TTC7A: variants seen among roughly 807,000 people sequenced by gnomAD.
TTC7A encodes tetratricopeptide repeat domain 7A.
In TTC7A, 110 loss-of-function variants were observed where a neutral mutation model predicts 103.7. The observed-to-expected ratio is 1.06, with a 90% CI of 0.91 to 1.24. TTC7A has a LOEUF of 1.24. Ranked by LOEUF, TTC7A falls within the 50% of genes most tolerant of loss-of-function variation. TTC7A has a pLI of 0.00. For synonymous variants in TTC7A, 521 were observed against 467.9 expected (o/e 1.11, Z -1.47); for missense variants, 1,340 against 1,116.3 (o/e 1.20, Z -2.86).
chr2:47,058,501 G>A (rs569197855), intron 18 of TTC7A, among the ~76,000 whole-genome samples: 1 of 152,372 alleles, frequency 6.6e-6, no homozygotes, highest in East Asian at 1.9e-4. Flanking sequence ...CTTTCTGGGA[G>A]CTTCCCTTGG....
intron 15 of TTC7A, among the ~76,000 whole-genome samples, chr2:47,038,174 G>T (rs1379357426): frequency 6.6e-6 from 1 of 151,288 alleles, no homozygotes; most frequent in East Asian, 1.9e-4. Flanking sequence ...CAGGAGAATC[G>T]CTTGAACCCA....
chr2:47,046,264 G>C (rs1682304033), intron 15 of TTC7A, 51 bp from the exon 16 acceptor site: 2 of 1,460,324 alleles, frequency 1.4e-6, no homozygotes, highest in African/African-American at 2.8e-5. Flanking sequence ...ATCCCCAGGT[G>C]AAAGTGGGCC....
At chr2:46,917,225 G>A (rs1367166817) in exon 2 of TTC7A, 2 of 700,834 alleles carry the variant, frequency 2.9e-6, no homozygotes, top group Non-Finnish European at 5.2e-6. Flanking sequence ...GAACTCCTGG[G>A]TTCAAGCAAT....
At chr2:46,966,294 A>G (rs570069873) in intron 3 of TTC7A, among the ~76,000 whole-genome samples, 4 of 152,276 alleles carry the variant, frequency 2.6e-5, no homozygotes, top group Non-Finnish European at 5.9e-5. Context: ...TTTAATGATC[A>G]TGGCTACACT....
chr2:47,073,991 T>G lies in TTC7A; in HGVS notation c.*68T>G, dbSNP rs1573118569. ...AGGCAGCAGGGAACGTGGGTCAGGG[T>G]GGGGCAACAGTGGCATCAGGTGCGG... On this transcript the variant is annotated 3_prime_UTR_variant, in exon 20 of 20. Coordinates refer to ENST00000319190, the MANE Select transcript of TTC7A (RefSeq NM_020458.4). 1 of 1,342,722 alleles carries G rather than the reference T, an allele frequency of 7.4e-7. No individual in the cohort carries two copies. Among genetic ancestry groups the G allele is most frequent in the Admixed American group, 1.9e-5 (1 of 51,554 alleles). The allele number at this position is 1,342,722 out of a possible 1,614,324, so 83.2% of individuals were successfully genotyped here. A position where few individuals can be genotyped will look rare whatever the true frequency, so the allele number is the denominator to read the frequency against.
intron 15 of TTC7A, among the ~76,000 whole-genome samples, chr2:47,044,916 GAGA>G (rs1389851547): frequency 2.0e-5 from 3 of 152,224 alleles, no homozygotes; most frequent in Admixed American, 2.0e-4. Flanking sequence ...CCAGCTGAGA[GAGA>G]AGATCAGAGG....
At chr2:46,974,125 A>G (rs2104220934) in intron 3 of TTC7A, among the ~76,000 whole-genome samples, 1 of 152,390 alleles carries the variant, frequency 6.6e-6, no homozygotes, top group East Asian at 1.9e-4. Context: ...CGCCACTTGC[A>G]GAGTCCAATT....
Position 47,011,317 on chromosome 2 carries a change from C to CT in TTC7A, c.1288-7dup. ...ACTGTGAGTGACAGTGTTTCCTGCT[C>CT]TTTTTTTCTGCAGTCAGCCTACGCT... On this transcript the variant is annotated splice_polypyrimidine_tract_variant and intron_variant, in intron 10 of 19. Coordinates refer to ENST00000319190, the MANE Select transcript of TTC7A (RefSeq NM_020458.4). 1.9e-6 allele frequency: 3 copies of CT among 1,611,610 alleles called. No individual in the cohort carries two copies. The highest frequency in any genetic ancestry group is 1.7e-5 in the Admixed American group (1 of 59,840).
upstream of TTC7A, among the ~76,000 whole-genome samples, chr2:46,936,923 C>T (rs1458670511): frequency 6.6e-6 from 1 of 150,838 alleles, no homozygotes; most frequent in East Asian, 1.9e-4. Context: ...GGCACGATCT[C>T]AGCTCACTGC....
chr2:46,983,959 ACT>A (rs1674744964), intron 5 of TTC7A, among the ~76,000 whole-genome samples: 4 of 151,904 alleles, frequency 2.6e-5, no homozygotes, highest in Admixed American at 2.6e-4. Context: ...TAATTTCAAT[ACT>A]CTGTCTCCTT....
chr2:47,043,588 A>G (rs1423521810), intron 15 of TTC7A, among the ~76,000 whole-genome samples: 1 of 152,224 alleles, frequency 6.6e-6, no homozygotes, highest in East Asian at 1.9e-4. Flanking sequence ...ACAGAGGCAC[A>G]GAAGGTGAGG....
intron 2 of TTC7A, among the ~76,000 whole-genome samples, chr2:46,927,561 C>T (rs1166690667): frequency 6.6e-6 from 1 of 151,636 alleles, no homozygotes; most frequent in East Asian, 1.9e-4. Flanking sequence ...AGGGTTTCAC[C>T]GTGTTAGCCA....
At chr2:47,070,923 C>G (rs543544139) in intron 19 of TTC7A, among the ~76,000 whole-genome samples, 26 of 152,314 alleles carry the variant, frequency 1.7e-4, no homozygotes, top group Admixed American at 4.6e-4. Flanking sequence ...AAACTGGAAG[C>G]CTCTCAGCAG....
chr2:47,033,987 T>C (rs1337373029), intron 15 of TTC7A, among the ~76,000 whole-genome samples: 1 of 152,200 alleles, frequency 6.6e-6, no homozygotes, highest in African/African-American at 2.4e-5. Flanking sequence ...AAACCCGGCT[T>C]TCGTGGAGTG....
At chr2:47,053,530 TTTTGTTTG>T (rs748315468) in intron 18 of TTC7A, among the ~76,000 whole-genome samples, 3 of 138,748 alleles carry the variant, frequency 2.2e-5, no homozygotes, top group South Asian at 2.3e-4. Context: ...TGGTGGGTTT[TTTTGTTTG>T]TTTGTTTGGT....
chr2:47,056,436 C>T (rs1683320888), intron 18 of TTC7A, among the ~76,000 whole-genome samples: 1 of 152,180 alleles, frequency 6.6e-6, no homozygotes, highest in Admixed American at 6.5e-5. Context: ...CCTAAGAGGC[C>T]TTGGGGGTGG....
At chr2:47,034,981 G>C (rs1271438537) in intron 15 of TTC7A, among the ~76,000 whole-genome samples, 1 of 152,232 alleles carries the variant, frequency 6.6e-6, no homozygotes, top group Admixed American at 6.5e-5. Context: ...TGTTTGAGCT[G>C]ATAACCAGGC....
At chr2:47,059,387 GAA>G (rs929409102) in intron 18 of TTC7A, among the ~76,000 whole-genome samples, 1 of 152,062 alleles carries the variant, frequency 6.6e-6, no homozygotes, top group Non-Finnish European at 1.5e-5. Flanking sequence ...GGATTAATGA[GAA>G]AATGTTTCCC....
chr2:46,921,099 C>T (rs546839981), intron 2 of TTC7A, among the ~76,000 whole-genome samples: 1 of 152,202 alleles, frequency 6.6e-6, no homozygotes, highest in South Asian at 2.1e-4. Context: ...CCCTTAATAT[C>T]AGGAACAAAG....
Sources: allele counts gnomAD v4.1 joint callset (sites outside exome capture counted in the v4.1 genomes callset), GRCh38; gene constraint gnomAD v4.1.1; transcripts MANE v1.5; gene names NCBI Gene and HGNC (gene_info 2026-07-23, HGNC 2026-07-21).